The following CNBD1 variants were observed in gnomAD, a reference collection of about 807,000 sequenced individuals.
CNBD1 encodes cyclic nucleotide-binding domain-containing protein 1.
In CNBD1, 71 loss-of-function variants were observed where a neutral mutation model predicts 54.4. The ratio of observed to expected loss-of-function variants is 1.30; its 90% CI spans 1.08 to 1.59. CNBD1 has a LOEUF of 1.59. Ranked by LOEUF, CNBD1 falls within the 40% of genes most tolerant of loss-of-function variation. CNBD1 has a pLI of 0.00. For missense variants in CNBD1, 659 were observed against 518.0 expected (o/e 1.27, Z -2.64); for synonymous variants, 182 against 170.7 (o/e 1.07, Z -0.51).
At chr8:87,242,799 C>T (rs1807732278) in intron 6 of CNBD1, among the ~76,000 whole-genome samples, 1 of 152,140 alleles carries the variant, frequency 6.6e-6, no homozygotes, top group African/African-American at 2.4e-5. Flanking sequence ...TAACTTTTTT[C>T]ATAGACAATA....
At chr8:86,997,674 G>A (rs959915584) in intron 4 of CNBD1, among the ~76,000 whole-genome samples, 4 of 152,160 alleles carry the variant, frequency 2.6e-5, no homozygotes, top group African/African-American at 9.7e-5. Flanking sequence ...ACAGGAGACA[G>A]CAGATGTCTT....
intron 4 of CNBD1, among the ~76,000 whole-genome samples, chr8:87,111,669 C>A (rs1235173933): frequency 6.6e-6 from 1 of 152,076 alleles, no homozygotes; most frequent in Non-Finnish European, 1.5e-5. Context: ...TTTATTTATT[C>A]GTGATCTCTT....
chr8:87,250,337 G>A (rs1360612154), intron 6 of CNBD1, among the ~76,000 whole-genome samples: 2 of 152,098 alleles, frequency 1.3e-5, no homozygotes, highest in Non-Finnish European at 2.9e-5. Flanking sequence ...TGTTGGCCAG[G>A]ATATGGAAAA....
intron 4 of CNBD1, among the ~76,000 whole-genome samples, chr8:87,010,990 G>A (rs1486906703): frequency 1.3e-5 from 2 of 152,052 alleles, no homozygotes; most frequent in Non-Finnish European, 2.9e-5. Context: ...CTGGATGATG[G>A]TATCTTCCTT....
At chr8:87,373,039 G>T (rs973704782) in intron 10 of CNBD1, among the ~76,000 whole-genome samples, 1 of 151,644 alleles carries the variant, frequency 6.6e-6, no homozygotes, top group Non-Finnish European at 1.5e-5. Flanking sequence ...ATAGTAGTTA[G>T]ATTATAACTT....
intron 2 of CNBD1, among the ~76,000 whole-genome samples, chr8:87,427,935 A>T (rs974218208): frequency 6.6e-6 from 1 of 152,102 alleles, no homozygotes; most frequent in East Asian, 1.9e-4. Flanking sequence ...ACCTTCACCA[A>T]AGCCCCCCCA....
chr8:87,388,900 A>C (rs574673632), intron 2 of CNBD1, among the ~76,000 whole-genome samples: 47 of 152,242 alleles, frequency 3.1e-4, no homozygotes, highest in Admixed American at 3.3e-4. Context: ...AGCTTATCCA[A>C]CATGATCAAG....
chr8:87,124,382 G>A (rs749531461), intron 4 of CNBD1, among the ~76,000 whole-genome samples: 1 of 151,168 alleles, frequency 6.6e-6, no homozygotes, highest in African/African-American at 2.4e-5. Flanking sequence ...GTGTGGCAAT[G>A]GTATGAAACT....
At chr8:87,400,136 G>A (rs921967788) in intron 2 of CNBD1, among the ~76,000 whole-genome samples, 15 of 151,810 alleles carry the variant, frequency 9.9e-5, no homozygotes, top group African/African-American at 3.1e-4. Context: ...AGCGACTCCC[G>A]AGGATTCTCA....
chr8:87,279,381 A>G (rs1310862795), intron 6 of CNBD1, among the ~76,000 whole-genome samples: 1 of 151,584 alleles, frequency 6.6e-6, no homozygotes, highest in African/African-American at 2.4e-5. Flanking sequence ...AATAGCAAAT[A>G]TTAAGATGGC....
In CNBD1 at chr8:87,351,687, A is replaced by G; in HGVS notation, c.1045A>G (p.Ile349Val). Residue 349 changes from isoleucine to valine, a missense_variant and splice_region_variant, in exon 9 of 11, where the codon ATA (isoleucine) becomes GTA (valine). Coordinates refer to ENST00000518476, the MANE Select transcript of CNBD1 (RefSeq NM_173538.3). ...KWKKFPPGHV[I>V]VESGNIISFV... is the part of the protein sequence containing the mutation. The stretch of plus-strand genomic sequence containing the variant: ...TGAACTATCTCTCTTCTTTTCAGTG[A>G]TAGTGGAAAGTGGAAATATAATTTC... 1.3e-6 allele frequency: 2 copies of G among 1,502,432 alleles called. No individual in the cohort carries two copies. Among genetic ancestry groups the G allele is most frequent in the Non-Finnish European group, 1.8e-6 (2 of 1,130,438 alleles). The allele number at this position is 1,502,432 out of a possible 1,614,324, so 93.1% of individuals were successfully genotyped here.
intron 8 of CNBD1, among the ~76,000 whole-genome samples, chr8:87,290,066 C>T (rs748571103): frequency 1.5e-4 from 23 of 152,048 alleles, no homozygotes; most frequent in Non-Finnish European, 3.2e-4. Context: ...ATATAAATTT[C>T]AATTTAGCAG....
rs759087346 is a variant in CNBD1 at position 87,351,672 on chromosome 8, CTCT to C, written c.1043-8_1043-6del. On this transcript the variant is annotated splice_polypyrimidine_tract_variant and intron_variant, in intron 8 of 10. Transcript: ENST00000518476. ...CAAGAATGTGTGAAATGAACTATCT[CTCT>C]TCTTTTCAGTGATAGTGGAAAGTGG... 2 of 1,480,130 alleles carry C rather than the reference CTCT, an allele frequency of 1.4e-6. No individual in the cohort carries two copies. The highest frequency in any genetic ancestry group is 2.9e-5 in the African/African-American group (2 of 68,624). The allele number at this position is 1,480,130 out of a possible 1,614,324, so 91.7% of individuals were successfully genotyped here.
At position 87,256,806 on chromosome 8, in the gene CNBD1, G is replaced by C. The variant is rs920880807; in HGVS notation, c.771+19694G>C. ...TTACAATGGATATACAGTTCCAAGA[G>C]TATAAAGAGATCTTTGTCAGTTGTG... On this transcript the variant is annotated intron_variant, in intron 6 of 10. Coordinates refer to ENST00000518476, the MANE Select transcript of CNBD1 (RefSeq NM_173538.3). Among the ~76,000 whole-genome samples, 3 of 116,082 alleles carry C rather than the reference G, an allele frequency of 2.6e-5. No homozygotes were observed. In the South Asian group the frequency reaches 8.5e-4, roughly 33 times the overall value. The allele number at this position is 116,082 out of a possible 152,430, so 76.2% of individuals were successfully genotyped here.
At chr8:87,279,178 T>C (rs1808539736) in intron 6 of CNBD1, among the ~76,000 whole-genome samples, 1 of 151,516 alleles carries the variant, frequency 6.6e-6, no homozygotes, top group African/African-American at 2.4e-5. Flanking sequence ...CTGGAATGTA[T>C]CTTCCATGCA....
At chr8:87,013,520 C>T (rs565215959) in intron 4 of CNBD1, among the ~76,000 whole-genome samples, 1 of 151,472 alleles carries the variant, frequency 6.6e-6, no homozygotes, top group South Asian at 2.1e-4. Flanking sequence ...TCTCTATTTT[C>T]TTTTCTGCTT....
intron 5 of CNBD1, among the ~76,000 whole-genome samples, chr8:87,210,370 C>A (rs1563508844): frequency 6.6e-6 from 1 of 152,148 alleles, no homozygotes; most frequent in Non-Finnish European, 1.5e-5. Context: ...GTGGAGCAAC[C>A]ACTTGTTAGA....
At chr8:87,345,593 A>G (rs1009045796) in intron 8 of CNBD1, among the ~76,000 whole-genome samples, 9 of 152,200 alleles carry the variant, frequency 5.9e-5, no homozygotes, top group Admixed American at 5.2e-4. Flanking sequence ...ATAAGTCATA[A>G]TTTATATAAT....
chr8:86,962,221 G>A (rs1019206151), intron 4 of CNBD1, among the ~76,000 whole-genome samples: 1 of 152,124 alleles, frequency 6.6e-6, no homozygotes, highest in Non-Finnish European at 1.5e-5. Context: ...AGACAAAAAT[G>A]GAGACTAATT....
Sources: allele counts gnomAD v4.1 joint callset (sites outside exome capture counted in the v4.1 genomes callset), GRCh38; gene constraint gnomAD v4.1.1; transcripts MANE v1.5; gene names NCBI Gene and HGNC (gene_info 2026-07-23, HGNC 2026-07-21).